NLGN1: variants seen among roughly 807,000 people sequenced by gnomAD.
The protein encoded by NLGN1 is neuroligin 1, also known as neuroligin-1.
Under a neutral mutation model 65.5 loss-of-function variants are expected in NLGN1, and 12 were observed. The ratio of observed to expected loss-of-function variants is 0.18; its 90% CI spans 0.12 to 0.30. NLGN1 has a LOEUF of 0.30. NLGN1 is among the 10% of genes least tolerant of loss of function. The pLI, the probability that NLGN1 is intolerant of heterozygous loss-of-function variation, is 1.00. For synonymous variants in NLGN1, 350 were observed against 359.5 expected (o/e 0.97, Z 0.30); for missense variants, 750 against 1,007.1 (o/e 0.74, Z 3.46).
chr3:173,415,408 G>A (rs686517), intron 1 of NLGN1, among the ~76,000 whole-genome samples: 50,231 of 151,694 alleles, frequency 0.33, 9,494 homozygotes, highest in African/African-American at 0.52. Flanking sequence ...GCGGTTTAGC[G>A]GTATGAAGAC....
chr3:173,878,290 T>C (rs1246068107), intron 4 of NLGN1, among the ~76,000 whole-genome samples: 1 of 152,154 alleles, frequency 6.6e-6, no homozygotes, highest in Admixed American at 6.6e-5. Context: ...TCCCCCTGCT[T>C]GGGCCTCTCA....
At chr3:174,078,042 A>G (rs1034185725) in intron 4 of NLGN1, among the ~76,000 whole-genome samples, 2 of 152,186 alleles carry the variant, frequency 1.3e-5, no homozygotes, top group Admixed American at 6.5e-5. Context: ...TATGCCACAT[A>G]GTCTTTTGTC....
Position 173,968,320 on chromosome 3 carries a change from C to T in NLGN1, c.646+160488C>T, listed in dbSNP as rs534191051. Among the ~76,000 whole-genome samples, 6 of 152,178 alleles carry T rather than the reference C, an allele frequency of 3.9e-5. No homozygotes were observed. In the East Asian group the frequency reaches 1.2e-3, roughly 29 times the overall value. ...TAATTTTGAACTGTTATTTTATCTT[C>T]CATACAAGCTATTTGATTACTGGAG... On this transcript the variant is annotated intron_variant, in intron 4 of 6. Coordinates refer to ENST00000457714, the Ensembl canonical transcript of NLGN1.
chr3:173,811,445 T>C (rs1294384952), intron 4 of NLGN1, among the ~76,000 whole-genome samples: 1 of 151,286 alleles, frequency 6.6e-6, no homozygotes, highest in African/African-American at 2.4e-5. Context: ...GTGCCTGTAA[T>C]CACAGCTACT....
At chr3:174,226,523 C>T (rs1387485589) in intron 4 of NLGN1, among the ~76,000 whole-genome samples, 1 of 152,032 alleles carries the variant, frequency 6.6e-6, no homozygotes, top group Non-Finnish European at 1.5e-5. Flanking sequence ...CTGGATATGC[C>T]TTTCCATATT....
intron 3 of NLGN1, among the ~76,000 whole-genome samples, chr3:173,642,058 A>G (rs899933054): frequency 6.6e-6 from 1 of 151,830 alleles, no homozygotes; most frequent in African/African-American, 2.4e-5. Flanking sequence ...ATATATATAT[A>G]TTTTAATGTC....
chr3:173,467,608 A>G (rs1724584683), intron 2 of NLGN1, among the ~76,000 whole-genome samples: 1 of 152,160 alleles, frequency 6.6e-6, no homozygotes, highest in South Asian at 2.1e-4. Flanking sequence ...GTTTTCAAAC[A>G]ATGTGCTACA....
At chr3:173,676,924 A>G (rs1376933264) in intron 3 of NLGN1, among the ~76,000 whole-genome samples, 1 of 152,114 alleles carries the variant, frequency 6.6e-6, no homozygotes, top group East Asian at 1.9e-4. Flanking sequence ...GATGTCTAGC[A>G]TAACACCCTG....
At chr3:173,823,043 G>A (rs1720631892) in intron 4 of NLGN1, among the ~76,000 whole-genome samples, 1 of 151,990 alleles carries the variant, frequency 6.6e-6, no homozygotes, top group African/African-American at 2.4e-5. Context: ...GTGGCATACA[G>A]TAGATGTCAG....
intron 2 of NLGN1, among the ~76,000 whole-genome samples, chr3:173,514,913 A>T (rs1465943626): frequency 6.6e-6 from 1 of 152,186 alleles, no homozygotes; most frequent in Non-Finnish European, 1.5e-5. Context: ...TTATATGTTG[A>T]TAGACATCTA....
intron 4 of NLGN1, among the ~76,000 whole-genome samples, chr3:173,929,644 TCTC>T (rs1743683486): frequency 6.6e-6 from 1 of 150,780 alleles, no homozygotes; most frequent in Admixed American, 6.6e-5. Context: ...GAGAAACAAA[TCTC>T]CTTATTAAAG....
intron 3 of NLGN1, among the ~76,000 whole-genome samples, chr3:173,606,046 GGACTTTCTC>G (rs1288951277): frequency 6.6e-6 from 1 of 151,852 alleles, no homozygotes; most frequent in East Asian, 1.9e-4. Context: ...AACACTCTAT[GGACTTTCTC>G]ATCCTAAGGA....
intron 4 of NLGN1, among the ~76,000 whole-genome samples, chr3:174,031,027 G>C (rs1205153124): frequency 6.6e-6 from 1 of 152,142 alleles, no homozygotes; most frequent in African/African-American, 2.4e-5. Context: ...TTAAGGGAAG[G>C]CTTACATATG....
At chr3:173,568,088 T>A (rs952441398) in intron 2 of NLGN1, among the ~76,000 whole-genome samples, 1 of 152,178 alleles carries the variant, frequency 6.6e-6, no homozygotes, top group Non-Finnish European at 1.5e-5. Flanking sequence ...TAATGATTTA[T>A]CTTTAGTGAC....
chr3:173,966,000 T>C (rs1714780247), intron 4 of NLGN1, among the ~76,000 whole-genome samples: 1 of 152,192 alleles, frequency 6.6e-6, no homozygotes. Flanking sequence ...CCAGGCTTGT[T>C]GGTATTTTGG....
intron 2 of NLGN1, among the ~76,000 whole-genome samples, chr3:173,576,942 A>C (rs539663842): frequency 2.0e-5 from 3 of 152,328 alleles, no homozygotes; most frequent in African/African-American, 7.2e-5. Flanking sequence ...AAACAATCAT[A>C]AGAAACATCG....
At chr3:173,507,685 G>T (rs1009900258) in intron 2 of NLGN1, among the ~76,000 whole-genome samples, 5 of 152,012 alleles carry the variant, frequency 3.3e-5, no homozygotes, top group Non-Finnish European at 7.4e-5. Context: ...TAGTGTGTGT[G>T]TGTGTGTACA....
intron 2 of NLGN1, among the ~76,000 whole-genome samples, chr3:173,587,010 T>A (rs1747565917): frequency 6.6e-6 from 1 of 152,234 alleles, no homozygotes; most frequent in Non-Finnish European, 1.5e-5. Context: ...TTGGAATTTC[T>A]CTTTTTAAGC....
chr3:173,877,821 T>G (rs1732426101), intron 4 of NLGN1, among the ~76,000 whole-genome samples: 1 of 152,208 alleles, frequency 6.6e-6, no homozygotes, highest in Admixed American at 6.5e-5. Context: ...TATATTGACT[T>G]ATATAATTTC....
Sources: allele counts gnomAD v4.1 joint callset (sites outside exome capture counted in the v4.1 genomes callset), GRCh38; gene constraint gnomAD v4.1.1; transcripts MANE v1.5; gene names NCBI Gene and HGNC (gene_info 2026-07-23, HGNC 2026-07-21).